Variants in PTPRD observed in about 807,000 individuals in gnomAD.
PTPRD encodes the protein protein tyrosine phosphatase receptor type D.
Under a neutral mutation model 214.5 loss-of-function variants are expected in PTPRD, and 34 were observed. The observed-to-expected ratio is 0.16, with a 90% CI of 0.12 to 0.21. The LOEUF (loss-of-function observed/expected upper bound fraction) is 0.21, where lower values mean the gene tolerates loss of function less well. PTPRD is among the 10% of genes least tolerant of loss of function. The pLI is 1.00. For missense variants in PTPRD, 2,545 were observed against 2,398.7 expected (o/e 1.06, Z -1.27); for synonymous variants, 1,128 against 845.7 (o/e 1.33, Z -5.79).
At chr9:9,947,521 A>ATATT (rs1379646232) in intron 4 of PTPRD, among the ~76,000 whole-genome samples, 15 of 23,640 alleles carry the variant, frequency 6.3e-4, no homozygotes, top group African/African-American at 3.1e-3. Flanking sequence ...TAATATATAT[A>ATATT]TTATATATAT....
chr9:9,346,715 A>T (rs1165770156), intron 9 of PTPRD, among the ~76,000 whole-genome samples: 1 of 151,638 alleles, frequency 6.6e-6, no homozygotes, highest in Non-Finnish European at 1.5e-5. Context: ...TTTTTTAGAC[A>T]GAGTTTTGCT....
chr9:10,112,549 T>A (rs935748050), intron 3 of PTPRD, among the ~76,000 whole-genome samples: 1 of 152,170 alleles, frequency 6.6e-6, no homozygotes, highest in Non-Finnish European at 1.5e-5. Flanking sequence ...GACATGCAAC[T>A]GTTTTACAAC....
intron 9 of PTPRD, among the ~76,000 whole-genome samples, chr9:9,235,316 A>G (rs1488628371): frequency 2.0e-5 from 3 of 152,164 alleles, no homozygotes; most frequent in Non-Finnish European, 4.4e-5. Flanking sequence ...CTACGATTCA[A>G]GATGAGATTT....
At chr9:9,278,628 G>T (rs558920129) in intron 9 of PTPRD, among the ~76,000 whole-genome samples, 2 of 151,324 alleles carry the variant, frequency 1.3e-5, no homozygotes, top group African/African-American at 4.8e-5. Flanking sequence ...ACAGACAGAG[G>T]GCAACATTAC....
intron 37 of PTPRD, among the ~76,000 whole-genome samples, chr9:8,388,081 G>T (rs1033683691): frequency 6.6e-6 from 1 of 152,118 alleles, no homozygotes; most frequent in East Asian, 1.9e-4. Flanking sequence ...TTGCTTTTTA[G>T]TTTTGCTAAA....
chr9:9,096,015 G>A (rs78515682), intron 10 of PTPRD, among the ~76,000 whole-genome samples: 2,185 of 152,218 alleles, frequency 0.014, 39 homozygotes, highest in East Asian at 0.064. Flanking sequence ...AGAAAATATT[G>A]CGTTATTCTA....
At chr9:8,664,895 T>C (rs1285449433) in intron 12 of PTPRD, among the ~76,000 whole-genome samples, 1 of 152,200 alleles carries the variant, frequency 6.6e-6, no homozygotes, top group Admixed American at 6.5e-5. Context: ...ACCATTCAAC[T>C]TCTAACAATA....
chr9:9,632,768 A>G (rs1680776706), intron 7 of PTPRD, among the ~76,000 whole-genome samples: 1 of 152,178 alleles, frequency 6.6e-6, no homozygotes, highest in African/African-American at 2.4e-5. Flanking sequence ...GGACAGTTAC[A>G]TAGGTATAAA....
At chr9:8,401,031 C>T (rs10815854) in intron 36 of PTPRD, among the ~76,000 whole-genome samples, 97,593 of 152,114 alleles carry the variant, frequency 0.64, 33,644 homozygotes, top group East Asian at 0.82. Flanking sequence ...CTCATAAAAA[C>T]ATACTTTCTG....
At chr9:9,907,802 C>G (rs866206104) in intron 5 of PTPRD, among the ~76,000 whole-genome samples, 1 of 151,942 alleles carries the variant, frequency 6.6e-6, no homozygotes, top group Non-Finnish European at 1.5e-5. Context: ...AATCAGAACC[C>G]TACTGATTCT....
chr9:8,868,106 C>T (rs2098230794), intron 11 of PTPRD, among the ~76,000 whole-genome samples: 1 of 152,176 alleles, frequency 6.6e-6, no homozygotes, highest in Admixed American at 6.6e-5. Flanking sequence ...GCATTAGAAT[C>T]TGTACCACCT....
At chr9:9,694,991 G>A (rs2097344828) in intron 7 of PTPRD, among the ~76,000 whole-genome samples, 1 of 152,086 alleles carries the variant, frequency 6.6e-6, no homozygotes, top group African/African-American at 2.4e-5. Context: ...GCAAGACAAA[G>A]TCTCCTTTAC....
intron 7 of PTPRD, among the ~76,000 whole-genome samples, chr9:9,685,254 T>C (rs1484705911): frequency 3.0e-5 from 4 of 134,976 alleles, no homozygotes; most frequent in Admixed American, 8.3e-5. Context: ...GCATATATAT[T>C]ATATATGCTT....
intron 11 of PTPRD, among the ~76,000 whole-genome samples, chr9:8,929,865 ACATG>A (rs1478971690): frequency 3.3e-4 from 30 of 90,062 alleles, no homozygotes; most frequent in African/African-American, 6.0e-4. Flanking sequence ...ATGTGTATAT[ACATG>A]TGTGTGTATA....
chr9:8,543,979 A>T (rs1247418125), intron 14 of PTPRD, among the ~76,000 whole-genome samples: 1 of 151,888 alleles, frequency 6.6e-6, no homozygotes, highest in Admixed American at 6.6e-5. Context: ...CAAAATGTTG[A>T]GGTTACAGGC....
chr9:9,400,244 G>C (rs1007003247), intron 8 of PTPRD, among the ~76,000 whole-genome samples: 3 of 151,582 alleles, frequency 2.0e-5, no homozygotes, highest in Non-Finnish European at 4.4e-5. Flanking sequence ...AGAGATCTAT[G>C]GCTTCCTACA....
At chr9:10,173,560 A>G (rs1010416037) in intron 3 of PTPRD, among the ~76,000 whole-genome samples, 1 of 152,142 alleles carries the variant, frequency 6.6e-6, no homozygotes, top group Admixed American at 6.6e-5. Flanking sequence ...TTATTTACAT[A>G]GGAATATTCT....
intron 5 of PTPRD, among the ~76,000 whole-genome samples, chr9:9,828,017 A>G (rs563066233): frequency 6.6e-6 from 1 of 152,276 alleles, no homozygotes; most frequent in East Asian, 1.9e-4. Flanking sequence ...GGTGCTGGAG[A>G]GGATGTGGAG....
chr9:8,848,313 C>CTCTTTTTTTTTTTT (rs1338928285), intron 11 of PTPRD, among the ~76,000 whole-genome samples: 2 of 132,668 alleles, frequency 1.5e-5, no homozygotes, highest in African/African-American at 2.8e-5. Flanking sequence ...AAGATTTTTC[C>CTCTTTTTTTTTTTT]TTTTTTTTTT....
Sources: gnomAD v4.1 joint callset for allele counts (sites outside exome capture counted in the v4.1 genomes callset) on GRCh38, gnomAD v4.1.1 for gene constraint, MANE v1.5 for transcripts, NCBI Gene and HGNC (gene_info 2026-07-23, HGNC 2026-07-21) for gene names.